KHDRBS3: variants seen among roughly 807,000 people sequenced by gnomAD.
The protein encoded by KHDRBS3 is KH RNA binding domain containing, signal transduction associated 3.
Under a neutral mutation model 45.6 loss-of-function variants are expected in KHDRBS3, and 23 were observed. That is an observed-to-expected ratio of 0.50 (90% CI 0.36 to 0.72). The LOEUF (loss-of-function observed/expected upper bound fraction) is 0.72, where lower values mean the gene tolerates loss of function less well. Among genes scored for constraint, KHDRBS3 ranks in the 30% least tolerant of loss-of-function variants. The pLI is 0.00. For missense variants in KHDRBS3, 352 were observed against 424.8 expected (o/e 0.83, Z 1.51); for synonymous variants, 162 against 156.5 (o/e 1.04, Z -0.26).
At chr8:135,622,634 A>G (rs1413388028) in intron 7 of KHDRBS3, among the ~76,000 whole-genome samples, 5 of 152,228 alleles carry the variant, frequency 3.3e-5, no homozygotes, top group Admixed American at 3.3e-4. Flanking sequence ...AATCTCCTCA[A>G]AAAGATATGT....
intron 1 of KHDRBS3, among the ~76,000 whole-genome samples, chr8:135,485,865 TA>T (rs1822835251): frequency 2.1e-5 from 3 of 146,322 alleles, no homozygotes; most frequent in Non-Finnish European, 4.5e-5. Context: ...TATATATATA[TA>T]TATTTTATTT....
chr8:135,482,279 A>G (rs1356454879), intron 1 of KHDRBS3, among the ~76,000 whole-genome samples: 1 of 152,226 alleles, frequency 6.6e-6, no homozygotes, highest in Non-Finnish European at 1.5e-5. Flanking sequence ...AGGCAGAAAG[A>G]AAAATAATTA....
intron 2 of KHDRBS3, among the ~76,000 whole-genome samples, chr8:135,534,792 A>G (rs1214984480): frequency 6.6e-6 from 1 of 152,148 alleles, no homozygotes; most frequent in African/African-American, 2.4e-5. Flanking sequence ...AATTGACACA[A>G]TGCCAGCTCC....
chr8:135,637,321 C>T (rs560748876), intron 7 of KHDRBS3, among the ~76,000 whole-genome samples: 2 of 152,146 alleles, frequency 1.3e-5, no homozygotes, highest in South Asian at 4.2e-4. Flanking sequence ...ATAAAAATTC[C>T]TAACGGTTAT....
At chr8:135,485,832 C>T (rs1005082677) in intron 1 of KHDRBS3, among the ~76,000 whole-genome samples, 1 of 106,320 alleles carries the variant, frequency 9.4e-6, no homozygotes. Context: ...GATTGATTGG[C>T]ATTTCAAGTT....
intron 3 of KHDRBS3, among the ~76,000 whole-genome samples, chr8:135,545,334 A>G (rs1289061397): frequency 5.3e-5 from 8 of 152,194 alleles, no homozygotes; most frequent in Non-Finnish European, 1.2e-4. Context: ...TCGGCTGTGT[A>G]AGCAACATGG....
chr8:135,565,084 C>CT (rs1158052332), intron 5 of KHDRBS3, among the ~76,000 whole-genome samples: 5 of 152,216 alleles, frequency 3.3e-5, no homozygotes, highest in Admixed American at 6.5e-5. Context: ...TAATCGCCTA[C>CT]CCGGAGGCCT....
intron 7 of KHDRBS3, among the ~76,000 whole-genome samples, chr8:135,609,079 G>A (rs371297815): frequency 1.2e-4 from 18 of 152,216 alleles, no homozygotes; most frequent in African/African-American, 2.9e-4. Flanking sequence ...AACACTAAAC[G>A]CTTAGGCTAC....
chr8:135,584,082 A>G (rs577036806), intron 6 of KHDRBS3, among the ~76,000 whole-genome samples: 6 of 152,334 alleles, frequency 3.9e-5, no homozygotes, highest in African/African-American at 1.2e-4. Context: ...TTTTTCCAGA[A>G]CCAGACAAAG....
chr8:135,550,754 TA>T (rs1045159580), intron 4 of KHDRBS3, among the ~76,000 whole-genome samples: 2 of 152,028 alleles, frequency 1.3e-5, no homozygotes, highest in African/African-American at 4.8e-5. Context: ...TAATTTCTAT[TA>T]AAAAAAAGCT....
At chr8:135,650,371 G>A (rs1831404648), downstream of KHDRBS3, among the ~76,000 whole-genome samples, 1 of 152,122 alleles carries the variant, frequency 6.6e-6, no homozygotes, top group Admixed American at 6.5e-5. Flanking sequence ...CCTCTCTAAA[G>A]AGCATGCTTG....
intron 7 of KHDRBS3, among the ~76,000 whole-genome samples, chr8:135,608,491 T>C (rs1829566491): frequency 6.6e-6 from 1 of 152,188 alleles, no homozygotes; most frequent in Non-Finnish European, 1.5e-5. Context: ...AAGCTGATGG[T>C]ATTGCTGTAG....
chr8:135,617,320 C>T (rs1047543332), intron 7 of KHDRBS3, among the ~76,000 whole-genome samples: 2 of 149,826 alleles, frequency 1.3e-5, no homozygotes, highest in Non-Finnish European at 3.0e-5. Flanking sequence ...TACTCTGTCT[C>T]ACGCTGGCAT....
intron 6 of KHDRBS3, among the ~76,000 whole-genome samples, chr8:135,584,200 C>G (rs1828348888): frequency 6.6e-6 from 1 of 152,234 alleles, no homozygotes. Context: ...GTGATTTCAA[C>G]ACAGAGCCAG....
At chr8:135,496,149 G>GA in intron 1 of KHDRBS3, among the ~76,000 whole-genome samples, 1 of 138,196 alleles carries the variant, frequency 7.2e-6, no homozygotes, top group Non-Finnish European at 1.5e-5. Flanking sequence ...TGAGAAAGCA[G>GA]AAGTAGGAAG....
rs755758530 is a variant in KHDRBS3, at chr8:135,582,040, G to A, written c.774G>A (p.Pro258=). The A allele has an allele frequency of 2.2e-5, 35 of 1,587,736 alleles. No individual in the cohort carries two copies. Among genetic ancestry groups the A allele is most frequent in the South Asian group, 1.7e-4 (15 of 87,196 alleles). The change falls in exon 6 of 9, where the codon CCG becomes CCA. Residue 258 remains proline (P), a synonymous_variant. Coordinates refer to ENST00000355849, the MANE Select transcript of KHDRBS3 (RefSeq NM_006558.3). ...CCCCAACTGGGTACAGACCTCCACC[G>A]CCACCCCCGACACAAGAGACTTATG... is the stretch of plus-strand genomic sequence containing the variant. ...GVPPTGYRPP[P]PPPTQETYGE...
downstream of KHDRBS3, among the ~76,000 whole-genome samples, chr8:135,649,257 G>A (rs1262101430): frequency 1.3e-5 from 2 of 151,844 alleles, no homozygotes; most frequent in South Asian, 4.2e-4. Flanking sequence ...TACTTTTTCA[G>A]TGTTTGTATT....
intron 1 of KHDRBS3, among the ~76,000 whole-genome samples, chr8:135,492,060 G>C (rs1373462746): frequency 1.3e-5 from 2 of 151,932 alleles, no homozygotes; most frequent in African/African-American, 4.8e-5. Context: ...GTGACAAAAA[G>C]AGAAGTCCAT....
chr8:135,638,352 A>G (rs981710679), intron 7 of KHDRBS3, among the ~76,000 whole-genome samples: 1 of 152,194 alleles, frequency 6.6e-6, no homozygotes. Flanking sequence ...GTACGTTACT[A>G]GCACATCCCA....
Sources: allele counts gnomAD v4.1 joint callset (sites outside exome capture counted in the v4.1 genomes callset), GRCh38; gene constraint gnomAD v4.1.1; transcripts MANE v1.5; gene names NCBI Gene and HGNC (gene_info 2026-07-23, HGNC 2026-07-21).